The following PACSIN2 variants were observed in gnomAD, a reference collection of about 807,000 sequenced individuals.
PACSIN2 encodes the protein protein kinase C and casein kinase substrate in neurons protein 2.
In PACSIN2, 25 loss-of-function variants were observed where a neutral mutation model predicts 63.8. The ratio of observed to expected loss-of-function variants is 0.39; its 90% CI spans 0.29 to 0.55. The LOEUF is 0.55. Ranked by LOEUF, PACSIN2 falls within the 20% of genes least tolerant of loss-of-function variation. The probability of loss-of-function intolerance (pLI) is 0.62; values close to 1 mark genes in which losing one functional copy is unlikely to be tolerated. For synonymous variants in PACSIN2, 255 were observed against 256.2 expected (o/e 1.00, Z 0.05); for missense variants, 518 against 646.9 (o/e 0.80, Z 2.16).
rs554505688 is a variant in PACSIN2, at chr22:42,871,329, G to C, written c.*28C>G. On this transcript the variant is annotated 3_prime_UTR_variant, in exon 11 of 11. Coordinates refer to ENST00000263246, the MANE Select transcript of PACSIN2 (RefSeq NM_001184970.3). The surrounding 1 kb of genome is among the most constrained non-coding windows in gnomAD (Gnocchi z 5.4). Reference sequence around the variant, plus strand: ...TGAGGCTCCTGGGCCCGCCGCCTCCGTCCCCCCGCTGGCCTGTCCCCGACT... The same window carrying C: ...TGAGGCTCCTGGGCCCGCCGCCTCCCTCCCCCCGCTGGCCTGTCCCCGACT... The C allele has an allele frequency of 1.0e-5, 14 of 1,360,822 alleles. No individual in the cohort carries two copies. The African/African-American group carries it at 2.2e-4, about 22-fold the overall frequency. 84.3% of individuals were successfully genotyped at this position (1,360,822 alleles called of 1,614,324 possible).
intron 10 of PACSIN2, among the ~76,000 whole-genome samples, chr22:42,872,641 T>C (rs2146618090): frequency 6.6e-6 from 1 of 152,342 alleles, no homozygotes. Context: ...CAGCCATCAC[T>C]CACTGGCTGG....
chr22:42,935,366 G>A (rs1351641775), intron 1 of PACSIN2, among the ~76,000 whole-genome samples: 4 of 152,028 alleles, frequency 2.6e-5, no homozygotes, highest in African/African-American at 9.7e-5. Flanking sequence ...GGGCGGGGTG[G>A]GGGGAAGAAG....
chr22:42,894,244 G>A (rs569830915), intron 2 of PACSIN2, among the ~76,000 whole-genome samples: 69 of 129,224 alleles, frequency 5.3e-4, no homozygotes, highest in Middle Eastern at 4.0e-3. Context: ...GGAGCTGAAG[G>A]CAATTGTTTT....
At chr22:42,901,833 G>A (rs370762852) in intron 2 of PACSIN2, among the ~76,000 whole-genome samples, 39 of 152,312 alleles carry the variant, frequency 2.6e-4, no homozygotes, top group Admixed American at 1.0e-3. Flanking sequence ...TCAGACATTC[G>A]ACTCTGGTTC....
At chr22:42,953,178 C>A (rs985193237) in intron 1 of PACSIN2, among the ~76,000 whole-genome samples, 22 of 151,678 alleles carry the variant, frequency 1.5e-4, no homozygotes, top group African/African-American at 5.3e-4. Flanking sequence ...AAAATGTTTT[C>A]TATCCTTCCA....
chr22:42,982,824 AC>A (rs1188528347), intron 1 of PACSIN2, among the ~76,000 whole-genome samples: 5 of 129,368 alleles, frequency 3.9e-5, no homozygotes, highest in Admixed American at 2.7e-4. Flanking sequence ...TTGTCCTATG[AC>A]CCTGCCAAAT....
At chr22:42,940,633 C>T (rs1430114293) in intron 1 of PACSIN2, among the ~76,000 whole-genome samples, 1 of 152,190 alleles carries the variant, frequency 6.6e-6, no homozygotes, top group Non-Finnish European at 1.5e-5. Flanking sequence ...TCCTGGGTTT[C>T]CCTATACCCA....
intron 1 of PACSIN2, among the ~76,000 whole-genome samples, chr22:42,935,413 G>A (rs946129918): frequency 1.3e-5 from 2 of 152,090 alleles, no homozygotes; most frequent in East Asian, 1.9e-4. Context: ...CCACATGTGC[G>A]GAGACCTACT....
intron 5 of PACSIN2, among the ~76,000 whole-genome samples, chr22:42,886,697 A>C (rs1276779454): frequency 6.6e-6 from 1 of 152,158 alleles, no homozygotes; most frequent in Non-Finnish European, 1.5e-5. Context: ...TGGATTTTGG[A>C]AACTGCGTCA....
At chr22:42,877,929 C>T (rs147534997) in intron 8 of PACSIN2, among the ~76,000 whole-genome samples, 142 of 152,330 alleles carry the variant, frequency 9.3e-4, no homozygotes, top group Middle Eastern at 6.8e-3. Flanking sequence ...GGAAGGGAGG[C>T]GAGGACATGC....
At chr22:42,897,664 C>A (rs1930383306) in intron 2 of PACSIN2, among the ~76,000 whole-genome samples, 1 of 152,226 alleles carries the variant, frequency 6.6e-6, no homozygotes, top group African/African-American at 2.4e-5. Flanking sequence ...GAGGGACTGC[C>A]TGGCAGACGG....
chr22:43,013,548 T>C (rs1286951686), intron 1 of PACSIN2, among the ~76,000 whole-genome samples: 1 of 152,200 alleles, frequency 6.6e-6, no homozygotes, highest in African/African-American at 2.4e-5. Context: ...ATGAATCAAG[T>C]GGAACGACAA....
rs1928871668 is a variant in PACSIN2, at chr22:42,879,084, T to C, written c.992A>G (p.Gln331Arg). The change falls in exon 8 of 11, where the codon CAG becomes CGG. Residue 331 changes from glutamine to arginine, a missense_variant. Around this residue, in one of 2 missense-constraint regions of PACSIN2, gnomAD observed 507 missense variants for 612.3 expected, o/e 0.83. Coordinates refer to ENST00000263246, the MANE Select transcript of PACSIN2 (RefSeq NM_001184970.3). Reference protein sequence around the residue: ...TDGVTLTGINQTGDQSLPSKP... With the variant: ...TDGVTLTGINRTGDQSLPSKP... ...ACTCGGCAGAGACTGGTCGCCTGTCTGGTTGATGCCCGTCAGGGTGACGCC... is the reference window on the plus strand; with the variant it reads ...ACTCGGCAGAGACTGGTCGCCTGTCCGGTTGATGCCCGTCAGGGTGACGCC... The C allele has an allele frequency of 6.2e-7, 1 of 1,614,054 alleles. No homozygotes were observed. Among genetic ancestry groups the C allele is most frequent in the Non-Finnish European group, 8.5e-7 (1 of 1,180,014 alleles).
chr22:42,874,667 G>A (rs1309186588), intron 10 of PACSIN2, among the ~76,000 whole-genome samples: 5 of 152,150 alleles, frequency 3.3e-5, no homozygotes, highest in African/African-American at 4.8e-5. Context: ...ATGGCCCTGC[G>A]GGGCTAGCAG....
chr22:42,960,538 T>G (rs190615439), intron 1 of PACSIN2, among the ~76,000 whole-genome samples: 16 of 152,192 alleles, frequency 1.1e-4, no homozygotes, highest in African/African-American at 2.9e-4. Context: ...CTTCTTCAAT[T>G]TTTACAAAGA....
In PACSIN2 at chr22:42,951,227, A is replaced by G. The variant is rs189971450; in HGVS notation, c.-77-39070T>C. ...TCTGGTAAAGGAATCCACGAGCCTT[A>G]TCTTCTAGTCACGATAACCGGCCTG... On this transcript the variant is annotated intron_variant, in intron 1 of 10. Transcript: ENST00000263246. 1.8e-3 allele frequency among the ~76,000 whole-genome samples: 274 copies of G among 152,290 alleles called. 6 individuals are homozygous for G. Among genetic ancestry groups the G allele is most frequent in the Non-Finnish European group, 3.2e-4 (22 of 68,024 alleles).
At chr22:42,927,529 G>A (rs953102684) in intron 1 of PACSIN2, among the ~76,000 whole-genome samples, 5 of 152,102 alleles carry the variant, frequency 3.3e-5, no homozygotes, top group African/African-American at 9.7e-5. Context: ...GATTACAGGC[G>A]TGAGCCACCA....
At chr22:42,919,797 AG>A (rs1479136426) in intron 1 of PACSIN2, among the ~76,000 whole-genome samples, 1,386 of 116,204 alleles carry the variant, frequency 0.012, 64 homozygotes, top group African/African-American at 0.021. Flanking sequence ...AAAAAAAAAA[AG>A]AAAGAAAGAA....
At chr22:42,887,865 A>G (rs1386293137) in intron 5 of PACSIN2, among the ~76,000 whole-genome samples, 1 of 152,160 alleles carries the variant, frequency 6.6e-6, no homozygotes, top group African/African-American at 2.4e-5. Flanking sequence ...AAGGGCACCC[A>G]TGATGCCACA....
Sources: allele counts gnomAD v4.1 joint callset (sites outside exome capture counted in the v4.1 genomes callset), GRCh38; gene constraint gnomAD v4.1.1; regional missense constraint gnomAD v4.1.1; non-coding constraint Gnocchi (gnomAD v3.1); transcripts MANE v1.5; gene names NCBI Gene and HGNC (gene_info 2026-07-23, HGNC 2026-07-21).